The following NCKAP5 variants were observed in gnomAD, a reference collection of about 807,000 sequenced individuals.
The protein encoded by NCKAP5 is nck-associated protein 5.
NCKAP5 carries 92 observed loss-of-function variants against 167.0 expected under a neutral mutation model. The observed-to-expected ratio is 0.55, with a 90% confidence interval of 0.47 to 0.66. NCKAP5 has a LOEUF of 0.66. Among genes scored for constraint, NCKAP5 ranks in the 30% least tolerant of loss-of-function variants. The pLI, the probability that NCKAP5 is intolerant of heterozygous loss-of-function variation, is 0.00. For synonymous variants in NCKAP5, 891 were observed against 877.4 expected (o/e 1.02, Z -0.27); for missense variants, 2,378 against 2,315.0 (o/e 1.03, Z -0.56).
At chr2:133,321,561 A>G (rs1430679022) in intron 3 of NCKAP5, among the ~76,000 whole-genome samples, 3 of 152,334 alleles carry the variant, frequency 2.0e-5, no homozygotes, top group African/African-American at 7.2e-5. Context: ...ACCCAAAGCC[A>G]TACATTTGAA....
intron 5 of NCKAP5, among the ~76,000 whole-genome samples, chr2:133,189,926 C>T (rs890355877): frequency 6.6e-6 from 1 of 152,002 alleles, no homozygotes; most frequent in African/African-American, 2.4e-5. Context: ...CTGGCCAGGG[C>T]AATCAGGCAG....
the NCKAP5 span, among the ~76,000 whole-genome samples, chr2:133,582,377 G>C: frequency 6.6e-6 from 1 of 152,192 alleles, no homozygotes. Context: ...TGATCAGACT[G>C]GGGGAGTGTG....
intron 4 of NCKAP5, among the ~76,000 whole-genome samples, chr2:133,248,208 A>G (rs954302422): frequency 3.3e-5 from 5 of 152,204 alleles, no homozygotes; most frequent in African/African-American, 1.2e-4. Flanking sequence ...TCATAAAGCT[A>G]CCTTGACTAA....
intron 3 of NCKAP5, among the ~76,000 whole-genome samples, chr2:133,317,954 G>A (rs922237286): frequency 1.3e-5 from 2 of 152,160 alleles, no homozygotes; most frequent in Non-Finnish European, 2.9e-5. Context: ...CCCTTCAGGG[G>A]GCTGTGTATA....
intron 6 of NCKAP5, among the ~76,000 whole-genome samples, chr2:133,034,405 CAATA>C (rs1480909953): frequency 3.3e-5 from 5 of 151,916 alleles, no homozygotes; most frequent in Non-Finnish European, 7.4e-5. Flanking sequence ...CACTAATGAG[CAATA>C]AATAGTCATC....
At chr2:132,836,124 T>G (rs568578475) in intron 11 of NCKAP5, among the ~76,000 whole-genome samples, 1 of 152,200 alleles carries the variant, frequency 6.6e-6, no homozygotes, top group East Asian at 1.9e-4. Context: ...TTTTACAATT[T>G]TCTGCTGCTC....
chr2:132,718,821 T>A (rs984268214), intron 19 of NCKAP5, among the ~76,000 whole-genome samples: 2 of 152,178 alleles, frequency 1.3e-5, no homozygotes, highest in Admixed American at 6.5e-5. Flanking sequence ...CCCTGCTAAG[T>A]TCAGAGCATG....
the NCKAP5 span, among the ~76,000 whole-genome samples, chr2:133,643,959 C>T: frequency 6.6e-5 from 10 of 152,200 alleles, no homozygotes; most frequent in African/African-American, 2.4e-4. Flanking sequence ...TCTTAGGACT[C>T]AACTCCGGCA....
intron 19 of NCKAP5, among the ~76,000 whole-genome samples, chr2:132,694,473 C>CTTTTAAAG (rs56217310): frequency 0.4 from 60,995 of 151,432 alleles, 13,854 homozygotes; most frequent in East Asian, 0.54. Flanking sequence ...TGGCCCAAAA[C>CTTTTAAAG]TTTTAGTCCC....
At chr2:133,457,278 T>C (rs1691917522) in intron 3 of NCKAP5, among the ~76,000 whole-genome samples, 1 of 152,154 alleles carries the variant, frequency 6.6e-6, no homozygotes, top group Non-Finnish European at 1.5e-5. Flanking sequence ...TGGAACTGAA[T>C]TTAGAGCATT....
chr2:133,077,196 A>G (rs2080634537), intron 6 of NCKAP5, among the ~76,000 whole-genome samples: 1 of 152,240 alleles, frequency 6.6e-6, no homozygotes, highest in Non-Finnish European at 1.5e-5. Flanking sequence ...AAGGCAGAAT[A>G]TGACAGTTAT....
chr2:133,246,201 T>C (rs2087981477), intron 4 of NCKAP5, among the ~76,000 whole-genome samples: 1 of 150,456 alleles, frequency 6.6e-6, no homozygotes, highest in South Asian at 2.1e-4. Context: ...CCTGGTGAGG[T>C]AGGTAAAGGG....
chr2:133,387,078 T>A (rs180693577), intron 3 of NCKAP5, among the ~76,000 whole-genome samples: 1 of 152,318 alleles, frequency 6.6e-6, no homozygotes, highest in Non-Finnish European at 1.5e-5. Context: ...GTGAATTTGA[T>A]CCTGTCATTA....
intron 5 of NCKAP5, among the ~76,000 whole-genome samples, chr2:133,182,304 T>A (rs1164286190): frequency 1.3e-5 from 2 of 152,112 alleles, no homozygotes; most frequent in East Asian, 3.8e-4. Context: ...CAAAAGTACA[T>A]AAAATACACT....
intron 4 of NCKAP5, among the ~76,000 whole-genome samples, chr2:133,214,384 G>GT (rs1434531428): frequency 6.6e-6 from 1 of 152,094 alleles, no homozygotes; most frequent in African/African-American, 2.4e-5. Context: ...GTATATAGTA[G>GT]TTTTTTGGAA....
At chr2:133,150,975 C>T (rs1213463158) in intron 5 of NCKAP5, among the ~76,000 whole-genome samples, 3 of 152,246 alleles carry the variant, frequency 2.0e-5, no homozygotes, top group African/African-American at 4.8e-5. Flanking sequence ...TGCATGATCT[C>T]ACTTTATATT....
At chr2:133,014,340 G>A (rs76780767) in intron 6 of NCKAP5, among the ~76,000 whole-genome samples, 9 of 151,980 alleles carry the variant, frequency 5.9e-5, no homozygotes, top group South Asian at 2.1e-4. Context: ...ATTTTCCCTC[G>A]TAGAATGTGA....
chr2:133,042,825 T>G (rs912965538), intron 6 of NCKAP5, among the ~76,000 whole-genome samples: 1 of 152,202 alleles, frequency 6.6e-6, no homozygotes, highest in Non-Finnish European at 1.5e-5. Context: ...TTAAAGGTGG[T>G]CTTTTCTCTC....
intron 3 of NCKAP5, among the ~76,000 whole-genome samples, chr2:133,367,770 A>C (rs1685546589): frequency 6.6e-6 from 1 of 152,222 alleles, no homozygotes; most frequent in African/African-American, 2.4e-5. Context: ...TAGATGAATT[A>C]AATAAAAATT....
Sources: allele counts gnomAD v4.1 joint callset (sites outside exome capture counted in the v4.1 genomes callset), GRCh38; gene constraint gnomAD v4.1.1; transcripts MANE v1.5; gene names NCBI Gene and HGNC (gene_info 2026-07-23, HGNC 2026-07-21).